The following ROS1 variants were observed in gnomAD, a reference collection of about 807,000 sequenced individuals.
The protein encoded by ROS1 is proto-oncogene tyrosine-protein kinase ROS.
Under a neutral mutation model 273.5 loss-of-function variants are expected in ROS1, and 263 were observed. The ratio of observed to expected loss-of-function variants is 0.96; its 90% CI spans 0.87 to 1.06. The LOEUF is 1.06. Among genes scored for constraint, ROS1 ranks in the 50% least tolerant of loss-of-function variants. The pLI is 0.00. For missense variants in ROS1, 2,833 were observed against 2,751.1 expected (o/e 1.03, Z -0.67); for synonymous variants, 1,008 against 954.1 (o/e 1.06, Z -1.04).
At chr6:117,297,751 A>G (rs1043349602) in intron 43 of ROS1, among the ~76,000 whole-genome samples, 1 of 152,218 alleles carries the variant, frequency 6.6e-6, no homozygotes, top group African/African-American at 2.4e-5. Flanking sequence ...ACAAAGAGGA[A>G]CAGTTACATG....
At chr6:117,329,274 T>C (rs1269381203) in intron 33 of ROS1, 55 bp downstream of exon 33, 2 of 822,774 alleles carry the variant, frequency 2.4e-6, no homozygotes, top group East Asian at 4.9e-5. Context: ...TTGATTACTT[T>C]ATAATTATCT....
At chr6:117,323,838 C>A (rs1776450550) in intron 35 of ROS1, among the ~76,000 whole-genome samples, 1 of 152,078 alleles carries the variant, frequency 6.6e-6, no homozygotes, top group Non-Finnish European at 1.5e-5. Flanking sequence ...AAGAGTCGAT[C>A]CCACAAGCCA....
chr6:117,299,979 G>A (rs1774563064), intron 43 of ROS1, among the ~76,000 whole-genome samples: 1 of 146,222 alleles, frequency 6.8e-6, no homozygotes, highest in Non-Finnish European at 1.5e-5. Context: ...CTGGAGTGCA[G>A]TGGCACGATC....
intron 2 of ROS1, among the ~76,000 whole-genome samples, chr6:117,416,852 A>G (rs1358953316): frequency 6.6e-6 from 1 of 152,012 alleles, no homozygotes; most frequent in African/African-American, 2.4e-5. Flanking sequence ...GACAGATTTG[A>G]TATATTTCTT....
chr6:117,353,185 G>T lies in ROS1; in HGVS notation c.4127-19C>A. The stretch of plus-strand genomic sequence containing the variant: ...GTTTTTCCTGCTGTTAAAAACATAA[G>T]GAATATAAAGAACAAAATTAATATC... On this transcript the variant is annotated intron_variant, in intron 26 of 43. Transcript: ENST00000368507. 6.6e-7 allele frequency: 1 copy of T among 1,519,566 alleles called. No individual in the cohort carries two copies. The highest frequency in any genetic ancestry group is 1.3e-5 in the South Asian group (1 of 74,880). The allele number at this position is 1,519,566 out of a possible 1,614,324, so 94.1% of individuals were successfully genotyped here.
chr6:117,298,503 G>A (rs1457359364), intron 43 of ROS1, among the ~76,000 whole-genome samples: 6 of 152,074 alleles, frequency 3.9e-5, no homozygotes, highest in East Asian at 1.9e-4. Flanking sequence ...TTGGCAAACC[G>A]CTCTGCATGA....
chr6:117,363,093 C>T (rs1448896075), intron 21 of ROS1, among the ~76,000 whole-genome samples: 1 of 152,164 alleles, frequency 6.6e-6, no homozygotes, highest in African/African-American at 2.4e-5. Flanking sequence ...GGCAAGACTT[C>T]CTTATGTTCA....
chr6:117,364,956 T>A, intron 21 of ROS1, 104 bp downstream of exon 21: 1 of 1,111,862 alleles, frequency 9.0e-7, no homozygotes. Context: ...TCTAAACACA[T>A]CTATAAAACT....
At chr6:117,416,173 T>C (rs1775316773) in intron 3 of ROS1, 85 bp downstream of exon 3, 3 of 843,224 alleles carry the variant, frequency 3.6e-6, no homozygotes, top group Admixed American at 3.8e-5. Context: ...TGAAAGCCAA[T>C]GGAAATGCAA....
intron 7 of ROS1, among the ~76,000 whole-genome samples, 195 bp downstream of exon 7, chr6:117,402,944 A>G (rs185830105): frequency 2.4e-4 from 37 of 152,166 alleles, no homozygotes; most frequent in Admixed American, 2.2e-3. Context: ...CCACAGGAGC[A>G]GGGGTCATTG....
intron 17 of ROS1, among the ~76,000 whole-genome samples, chr6:117,381,801 A>C (rs923752532): frequency 1.3e-5 from 2 of 152,150 alleles, no homozygotes; most frequent in Non-Finnish European, 2.9e-5. Context: ...AAATACTATT[A>C]GTTCTTTAAG....
intron 25 of ROS1, among the ~76,000 whole-genome samples, chr6:117,357,416 C>T (rs1422810808): frequency 6.6e-6 from 1 of 152,204 alleles, no homozygotes; most frequent in Non-Finnish European, 1.5e-5. Flanking sequence ...ATTAGTTAAA[C>T]TAAGATGGAT....
chr6:117,375,803 A>G (rs1274889592), intron 18 of ROS1, among the ~76,000 whole-genome samples: 2 of 152,118 alleles, frequency 1.3e-5, no homozygotes, highest in African/African-American at 4.8e-5. Context: ...TAGATAATCA[A>G]TATACTAAAT....
rs754861620 is a variant in ROS1 at position 117,385,829 on chromosome 6, T to C, written c.2143A>G (p.Ser715Gly). Reference sequence around the variant, plus strand: ...ACAAAAACGTCGCCTTTCGTGTCACTGTAGTAGAGGCTGTTGTTATACCAA... The same window carrying C: ...ACAAAAACGTCGCCTTTCGTGTCACCGTAGTAGAGGCTGTTGTTATACCAA... ...MDWYNNSLYY[S>G]DTKGDVFVWL... The change falls in exon 16 of 44, where the codon AGT (serine) becomes GGT (glycine). Residue 715 changes from serine (S) to glycine (G), a missense_variant. Transcript: ENST00000368507. 4 of 1,614,096 alleles carry C rather than the reference T, an allele frequency of 2.5e-6. No homozygotes were observed. The South Asian group carries it at 3.3e-5, about 13-fold the overall frequency.
chr6:117,341,660 G>C (rs777991850), intron 29 of ROS1, 28 bp from the exon 30 acceptor site: 3 of 1,545,192 alleles, frequency 1.9e-6, no homozygotes, highest in South Asian at 1.1e-5. Context: ...GAATGATAAA[G>C]GATGCTGCAA....
chr6:117,335,522 A>G lies in ROS1; in HGVS notation c.5230+1650T>C, dbSNP rs183455615. On this transcript the variant is annotated intron_variant, in intron 32 of 43. Coordinates refer to ENST00000368507, the MANE Select transcript of ROS1 (RefSeq NM_001378902.1). ...CCAAAGGAGTATAAATCACTCTACT[A>G]TAAAGACACATGCACATGTATGTTT... Among the ~76,000 whole-genome samples, 207 of 152,328 alleles carry G rather than the reference A, an allele frequency of 1.4e-3. 1 individual carries two copies. The highest frequency in any genetic ancestry group is 1.3e-3 in the Non-Finnish European group (89 of 68,042).
chr6:117,302,050 T>C (rs1257686136), intron 42 of ROS1, among the ~76,000 whole-genome samples: 2 of 152,196 alleles, frequency 1.3e-5, no homozygotes, highest in Non-Finnish European at 1.5e-5. Context: ...ATAGATGATA[T>C]GTATAGTAAT....
intron 26 of ROS1, among the ~76,000 whole-genome samples, chr6:117,354,933 T>C (rs1279069908): frequency 1.3e-5 from 2 of 152,084 alleles, no homozygotes; most frequent in African/African-American, 4.8e-5. Context: ...GGTGGAAAAA[T>C]ACAGGGACAG....
At chr6:117,325,973 T>A (rs910115122) in intron 34 of ROS1, among the ~76,000 whole-genome samples, 1 of 151,398 alleles carries the variant, frequency 6.6e-6, no homozygotes, top group Non-Finnish European at 1.5e-5. Flanking sequence ...GGAATTGATG[T>A]GGTAGGAATT....
Sources: allele counts gnomAD v4.1 joint callset (sites outside exome capture counted in the v4.1 genomes callset), GRCh38; gene constraint gnomAD v4.1.1; transcripts MANE v1.5; gene names NCBI Gene and HGNC (gene_info 2026-07-23, HGNC 2026-07-21).